Variants in COL21A1 observed in about 807,000 individuals in gnomAD.
The protein encoded by COL21A1 is collagen type XXI alpha 1 chain.
In COL21A1, 149 loss-of-function variants were observed where a neutral mutation model predicts 137.9. The ratio of observed to expected loss-of-function variants is 1.08; its 90% CI spans 0.95 to 1.24. The LOEUF is 1.24. COL21A1 is among the 50% of genes most tolerant of loss of function. The pLI, the probability that COL21A1 is intolerant of heterozygous loss-of-function variation, is 0.00. For missense variants in COL21A1, 1,167 were observed against 1,158.4 expected (o/e 1.01, Z -0.11); for synonymous variants, 456 against 391.5 (o/e 1.16, Z -1.95).
At chr6:56,147,897 C>G (rs939714483) in intron 10 of COL21A1, among the ~76,000 whole-genome samples, 1 of 152,152 alleles carries the variant, frequency 6.6e-6, no homozygotes, top group African/African-American at 2.4e-5. Flanking sequence ...TCCTCCCTGT[C>G]CTCTTTTTCT....
upstream of COL21A1, chr6:56,247,774 G>A (rs1197379724): frequency 6.5e-6 from 1 of 152,680 alleles, no homozygotes; most frequent in Non-Finnish European, 1.5e-5. Context: ...AAACGAGGGT[G>A]AAGGAGGACC....
intron 1 of COL21A1, among the ~76,000 whole-genome samples, chr6:56,231,644 T>A (rs16887707): frequency 6.6e-6 from 1 of 151,908 alleles, no homozygotes; most frequent in East Asian, 1.9e-4. Flanking sequence ...AGTAAATACA[T>A]GGTTAATAAT....
chr6:56,303,742 G>T (rs1169453179), intron 1 of COL21A1, among the ~76,000 whole-genome samples: 1 of 152,016 alleles, frequency 6.6e-6, no homozygotes, highest in African/African-American at 2.4e-5. Flanking sequence ...CTGCCTGATT[G>T]CCCTGGCCAG....
intron 9 of COL21A1, among the ~76,000 whole-genome samples, chr6:56,157,307 CTTT>C (rs34605782): frequency 8.1e-4 from 76 of 94,016 alleles, no homozygotes; most frequent in African/African-American, 1.4e-3. Flanking sequence ...ACTCATAAGA[CTTT>C]TTTTTTTTTT....
intron 1 of COL21A1, among the ~76,000 whole-genome samples, chr6:56,384,998 C>T (rs1250760145): frequency 2.0e-5 from 3 of 152,134 alleles, no homozygotes; most frequent in African/African-American, 7.2e-5. Context: ...GGAAACTTAA[C>T]ATGACCTGGA....
chr6:56,137,147 C>A (rs897602559), intron 12 of COL21A1, among the ~76,000 whole-genome samples: 2 of 152,116 alleles, frequency 1.3e-5, no homozygotes, highest in African/African-American at 4.8e-5. Flanking sequence ...TTTTTCAGTT[C>A]TCCAAAATGT....
chr6:56,283,167 ATCTT>A (rs2152334261), intron 1 of COL21A1, among the ~76,000 whole-genome samples: 1 of 152,080 alleles, frequency 6.6e-6, no homozygotes, highest in African/African-American at 2.4e-5. Flanking sequence ...TTAACTATCT[ATCTT>A]AAGGGAATCA....
At chr6:56,216,196 G>A (rs1385452839) in intron 1 of COL21A1, among the ~76,000 whole-genome samples, 1 of 152,004 alleles carries the variant, frequency 6.6e-6, no homozygotes, top group Non-Finnish European at 1.5e-5. Flanking sequence ...GAACACATGT[G>A]GAACACTATA....
chr6:56,123,838 A>G (rs1772766772), intron 16 of COL21A1, among the ~76,000 whole-genome samples: 1 of 152,222 alleles, frequency 6.6e-6, no homozygotes, highest in African/African-American at 2.4e-5. Context: ...AAGAAGTTCA[A>G]CCTTGTAATA....
chr6:56,068,983 A>G, intron 22 of COL21A1, 63 bp downstream of exon 22: 1 of 1,120,064 alleles, frequency 8.9e-7, no homozygotes, highest in Non-Finnish European at 1.3e-6. Flanking sequence ...GAATTTCACA[A>G]AAGAAAAACT....
intron 18 of COL21A1, among the ~76,000 whole-genome samples, chr6:56,076,610 C>T (rs1360836643): frequency 6.6e-6 from 1 of 150,938 alleles, no homozygotes; most frequent in Non-Finnish European, 1.5e-5. Context: ...TAAAAAAAAT[C>T]AATTGATCAT....
intron 1 of COL21A1, among the ~76,000 whole-genome samples, chr6:56,191,686 C>CA: frequency 1.1e-5 from 1 of 89,064 alleles, no homozygotes; most frequent in Non-Finnish European, 2.4e-5. Context: ...ATACAACTTA[C>CA]AAGGGAAGGA....
intron 1 of COL21A1, among the ~76,000 whole-genome samples, chr6:56,267,018 A>G (rs1261084226): frequency 6.6e-6 from 1 of 152,232 alleles, no homozygotes. Flanking sequence ...AGAGACAATG[A>G]GCATCCTCTT....
intron 1 of COL21A1, among the ~76,000 whole-genome samples, chr6:56,202,162 G>A (rs1779451314): frequency 6.6e-6 from 1 of 152,146 alleles, no homozygotes; most frequent in Non-Finnish European, 1.5e-5. Context: ...TCCAAAGAAA[G>A]ATATATTTTT....
At chr6:56,243,129 G>A (rs1173483728) in intron 1 of COL21A1, among the ~76,000 whole-genome samples, 1 of 152,130 alleles carries the variant, frequency 6.6e-6, no homozygotes, top group African/African-American at 2.4e-5. Context: ...AAAATTCTAT[G>A]AGTACATGAG....
chr6:56,145,151 T>A (rs572255447), intron 10 of COL21A1, among the ~76,000 whole-genome samples: 2 of 152,346 alleles, frequency 1.3e-5, no homozygotes, highest in African/African-American at 4.8e-5. Context: ...TTTAACTCTT[T>A]TCCAACATTA....
intron 10 of COL21A1, among the ~76,000 whole-genome samples, chr6:56,145,838 A>T (rs1774793193): frequency 6.6e-6 from 1 of 151,504 alleles, no homozygotes; most frequent in Non-Finnish European, 1.5e-5. Context: ...TTCACAGAAA[A>T]CTTCTTTATA....
chr6:56,179,587 GT>G lies in COL21A1; in HGVS notation c.630del (p.Lys210AsnfsTer26), dbSNP rs1411878409. ...ISKIREVMKQ[K>X]LCEESVCPTR... Reference sequence around the variant, plus strand: ...GCATTTTAAGGCTTACCTTCACAAAGTTTCTGCTTCATCACTTCCCTTATTT... The same window carrying G: ...GCATTTTAAGGCTTACCTTCACAAAGTTCTGCTTCATCACTTCCCTTATTT... On this transcript the variant is annotated frameshift_variant, in exon 3 of 30. Transcript: ENST00000244728. LOFTEE classifies it high-confidence loss of function. 9 of 1,607,280 alleles carry G rather than the reference GT, an allele frequency of 5.6e-6. No individual in the cohort carries two copies. The highest frequency in any genetic ancestry group is 7.7e-6 in the Non-Finnish European group (9 of 1,175,238).
chr6:56,237,757 A>G (rs1782003786), intron 1 of COL21A1, among the ~76,000 whole-genome samples: 1 of 152,184 alleles, frequency 6.6e-6, no homozygotes, highest in African/African-American at 2.4e-5. Context: ...ACACACATAC[A>G]TAAATGGCTC....
Sources: allele counts gnomAD v4.1 joint callset (sites outside exome capture counted in the v4.1 genomes callset), GRCh38; gene constraint gnomAD v4.1.1; transcripts MANE v1.5; gene names NCBI Gene and HGNC (gene_info 2026-07-23, HGNC 2026-07-21).